The following ENTREP2 variants were observed in gnomAD, a reference collection of about 807,000 sequenced individuals.
ENTREP2 encodes endosomal transmembrane epsin interactor 2, also known as protein ENTREP2.
the ENTREP2 span, among the ~76,000 whole-genome samples, chr15:29,534,839 A>G: frequency 6.6e-6 from 1 of 152,254 alleles, no homozygotes; most frequent in Non-Finnish European, 1.5e-5. Flanking sequence ...CCCAGCACAA[A>G]AAAAGGCACC....
the ENTREP2 span, among the ~76,000 whole-genome samples, chr15:29,463,241 G>C: frequency 6.6e-6 from 1 of 152,256 alleles, no homozygotes; most frequent in African/African-American, 2.4e-5. Flanking sequence ...TGGAAAGAAG[G>C]CTTGGCCCAG....
the ENTREP2 span, among the ~76,000 whole-genome samples, chr15:29,378,861 A>G: frequency 6.6e-6 from 1 of 152,254 alleles, no homozygotes; most frequent in South Asian, 2.1e-4. Context: ...ATGTTTTTCT[A>G]AAGCACCCTA....
the ENTREP2 span, among the ~76,000 whole-genome samples, chr15:29,254,860 AAACC>A: frequency 6.6e-6 from 1 of 152,286 alleles, no homozygotes; most frequent in East Asian, 1.9e-4. Flanking sequence ...ACAAACAAAC[AAACC>A]AACAAACAAA....
chr15:29,286,871 C>T, the ENTREP2 span, among the ~76,000 whole-genome samples: 1 of 152,242 alleles, frequency 6.6e-6, no homozygotes, highest in Non-Finnish European at 1.5e-5. Context: ...GCTCTCCCTC[C>T]TTCTACCAGG....
At chr15:29,403,090 C>T in the ENTREP2 span, among the ~76,000 whole-genome samples, 2 of 152,090 alleles carry the variant, frequency 1.3e-5, no homozygotes, top group Non-Finnish European at 2.9e-5. Flanking sequence ...TGCACAGTGA[C>T]GGGGTCCAAG....
the ENTREP2 span, among the ~76,000 whole-genome samples, chr15:29,341,131 C>T: frequency 3.9e-5 from 6 of 152,176 alleles, no homozygotes; most frequent in African/African-American, 1.4e-4. Context: ...AGGCCAGGTG[C>T]CTCTGAAGGC....
the ENTREP2 span, among the ~76,000 whole-genome samples, chr15:29,423,405 G>C: frequency 6.6e-6 from 1 of 152,072 alleles, no homozygotes; most frequent in Admixed American, 6.5e-5. Flanking sequence ...AAATTCTAGA[G>C]AAGAATGTAA....
chr15:29,656,421 T>C, the ENTREP2 span, among the ~76,000 whole-genome samples: 1 of 152,114 alleles, frequency 6.6e-6, no homozygotes, highest in South Asian at 2.1e-4. Context: ...GACACGAAGT[T>C]TCACTAGGTT....
chr15:29,255,909 G>A, the ENTREP2 span, among the ~76,000 whole-genome samples: 9 of 150,796 alleles, frequency 6.0e-5, no homozygotes, highest in South Asian at 2.1e-4. Flanking sequence ...GCTGAGGCAG[G>A]AGAATAGCAT....
At chr15:29,284,737 C>CA in the ENTREP2 span, among the ~76,000 whole-genome samples, 1 of 152,120 alleles carries the variant, frequency 6.6e-6, no homozygotes, top group Non-Finnish European at 1.5e-5. Flanking sequence ...AGTCAGGAAA[C>CA]ACAGCTTCTC....
the ENTREP2 span, among the ~76,000 whole-genome samples, chr15:29,139,309 C>T: frequency 6.6e-6 from 1 of 152,204 alleles, no homozygotes; most frequent in Non-Finnish European, 1.5e-5. Context: ...CGACCCACGG[C>T]TGCGTGTGTT....
chr15:29,137,042 C>G, the ENTREP2 span: 4 of 1,436,134 alleles, frequency 2.8e-6, no homozygotes, highest in Non-Finnish European at 3.6e-6. Context: ...ACCTCTGGGC[C>G]TCAGTGGACG....
the ENTREP2 span, chr15:29,610,218 A>C: frequency 6.6e-6 from 1 of 150,676 alleles, no homozygotes; most frequent in Non-Finnish European, 1.5e-5. Flanking sequence ...CGTACCATCC[A>C]ATCTTTGTCT....
chr15:29,397,558 C>T, the ENTREP2 span, among the ~76,000 whole-genome samples: 96 of 152,200 alleles, frequency 6.3e-4, no homozygotes, highest in African/African-American at 2.0e-3. Context: ...TTAAGAGGTG[C>T]GATGCTGTCA....
the ENTREP2 span, among the ~76,000 whole-genome samples, chr15:29,526,704 T>C: frequency 1.3e-5 from 2 of 151,610 alleles, no homozygotes; most frequent in Admixed American, 6.6e-5. Context: ...TCCTGGGCCA[T>C]AGCAATCCTC....
chr15:29,362,100 G>A, the ENTREP2 span, among the ~76,000 whole-genome samples: 10 of 152,206 alleles, frequency 6.6e-5, no homozygotes, highest in Admixed American at 6.5e-4. Flanking sequence ...GGGCTTCTGA[G>A]CTCCCAGAGA....
At chr15:29,656,324 T>A in the ENTREP2 span, among the ~76,000 whole-genome samples, 1 of 152,002 alleles carries the variant, frequency 6.6e-6, no homozygotes, top group Non-Finnish European at 1.5e-5. Flanking sequence ...CTCGCAGCTT[T>A]AAGCAATTCT....
At chr15:29,424,338 G>A in the ENTREP2 span, among the ~76,000 whole-genome samples, 1 of 152,086 alleles carries the variant, frequency 6.6e-6, no homozygotes, top group South Asian at 2.1e-4. Flanking sequence ...ACAGAGCGTT[G>A]ATTGGTCCCT....
At chr15:29,365,495 C>T in the ENTREP2 span, among the ~76,000 whole-genome samples, 3 of 152,022 alleles carry the variant, frequency 2.0e-5, no homozygotes, top group African/African-American at 7.2e-5. Flanking sequence ...TCAAGTGATC[C>T]ACCTGCCTCG....
Sources: gnomAD v4.1 joint callset for allele counts (sites outside exome capture counted in the v4.1 genomes callset) on GRCh38, gnomAD v4.1.1 for gene constraint, MANE v1.5 for transcripts, NCBI Gene and HGNC (gene_info 2026-07-23, HGNC 2026-07-21) for gene names.